The following KHDRBS2 variants were observed in gnomAD, a reference collection of about 807,000 sequenced individuals.
KHDRBS2 encodes the protein KH domain-containing, RNA-binding, signal transduction-associated protein 2.
In KHDRBS2, 26 loss-of-function variants were observed where a neutral mutation model predicts 44.3. That is an observed-to-expected ratio of 0.59 (90% CI 0.43 to 0.81). The LOEUF (loss-of-function observed/expected upper bound fraction) is 0.81. KHDRBS2 is among the 40% of genes least tolerant of loss of function. The pLI is 0.00. For synonymous variants in KHDRBS2, 194 were observed against 151.1 expected (o/e 1.28, Z -2.08); for missense variants, 476 against 433.1 (o/e 1.10, Z -0.88).
At chr6:61,772,374 T>A (rs1361940825) in intron 6 of KHDRBS2, among the ~76,000 whole-genome samples, 1 of 152,018 alleles carries the variant, frequency 6.6e-6, no homozygotes. Flanking sequence ...AATTAATGAA[T>A]CCAGGAGCTG....
At chr6:61,589,882 C>T in the KHDRBS2 span, among the ~76,000 whole-genome samples, 182 of 152,256 alleles carry the variant, frequency 1.2e-3, 1 homozygote, top group African/African-American at 4.2e-3. Flanking sequence ...TAGTCAGTCC[C>T]GTTCACCAAC....
chr6:61,872,899 A>G (rs1798869418), intron 6 of KHDRBS2, among the ~76,000 whole-genome samples: 1 of 152,152 alleles, frequency 6.6e-6, no homozygotes, highest in Admixed American at 6.5e-5. Context: ...AAACTGCTCT[A>G]TATGAGATGG....
Position 62,047,887 on chromosome 6 carries a change from A to G in KHDRBS2, c.327T>C (p.Asp109=). Residue 109 remains aspartate, a synonymous_variant, in exon 3 of 9, where the codon GAT becomes GAC. Transcript: ENST00000281156. The part of the protein sequence containing the change: ...MSILGKGSMR[D]KAKEEELRKS... ...ATTCAAAGTTCAGTACCTTAGCTTT[A>G]TCTCTCATTGATCCTTTGCCCAGGA... 3 of 1,599,764 alleles carry G rather than the reference A, an allele frequency of 1.9e-6. No individual in the cohort carries two copies. Among genetic ancestry groups the G allele is most frequent in the Non-Finnish European group, 2.6e-6 (3 of 1,167,444 alleles).
At chr6:61,822,355 C>T (rs930242069) in intron 6 of KHDRBS2, among the ~76,000 whole-genome samples, 1 of 151,924 alleles carries the variant, frequency 6.6e-6, no homozygotes, top group African/African-American at 2.4e-5. Flanking sequence ...TTTGTATATC[C>T]AGTTAATCAC....
At chr6:62,044,049 T>C (rs1353511887) in intron 3 of KHDRBS2, among the ~76,000 whole-genome samples, 1 of 152,102 alleles carries the variant, frequency 6.6e-6, no homozygotes, top group Non-Finnish European at 1.5e-5. Flanking sequence ...CTTGAAGTAA[T>C]AGTAGATATG....
the KHDRBS2 span, among the ~76,000 whole-genome samples, chr6:61,554,077 T>C: frequency 6.6e-6 from 1 of 152,158 alleles, no homozygotes; most frequent in Non-Finnish European, 1.5e-5. Context: ...GCCTCAATGA[T>C]CGTCTTATAT....
intron 6 of KHDRBS2, among the ~76,000 whole-genome samples, chr6:61,832,267 G>A (rs1436269292): frequency 1.3e-5 from 2 of 151,988 alleles, no homozygotes; most frequent in Non-Finnish European, 2.9e-5. Context: ...AGTATTGAAT[G>A]GTCTAAATTA....
chr6:61,794,798 A>C (rs900517587), intron 6 of KHDRBS2, among the ~76,000 whole-genome samples: 31 of 152,130 alleles, frequency 2.0e-4, no homozygotes, highest in Admixed American at 1.5e-3. Flanking sequence ...AATAATGCTT[A>C]GTCAGTGAAT....
the KHDRBS2 span, among the ~76,000 whole-genome samples, chr6:61,647,148 A>G: frequency 6.6e-6 from 1 of 152,114 alleles, no homozygotes; most frequent in Admixed American, 6.6e-5. Context: ...TATGCAATTG[A>G]TCTTTATCGT....
At chr6:61,674,912 G>A in the KHDRBS2 span, among the ~76,000 whole-genome samples, 6 of 151,618 alleles carry the variant, frequency 4.0e-5, no homozygotes, top group Non-Finnish European at 8.9e-5. Context: ...TTTATTTATT[G>A]TTATGTAATA....
intron 6 of KHDRBS2, among the ~76,000 whole-genome samples, chr6:61,866,622 T>C (rs1484769755): frequency 1.3e-5 from 2 of 152,236 alleles, no homozygotes; most frequent in African/African-American, 2.4e-5. Context: ...GATTTTCTTT[T>C]CTATCACATT....
At chr6:61,656,174 A>G in the KHDRBS2 span, among the ~76,000 whole-genome samples, 6 of 152,212 alleles carry the variant, frequency 3.9e-5, no homozygotes, top group African/African-American at 1.4e-4. Context: ...CTTCTGAGAT[A>G]TAAAAGCTCA....
chr6:61,750,575 T>A (rs1220194983), intron 6 of KHDRBS2, among the ~76,000 whole-genome samples: 1 of 152,186 alleles, frequency 6.6e-6, no homozygotes, highest in Non-Finnish European at 1.5e-5. Flanking sequence ...CAATGGTGCT[T>A]GGCTCACTAC....
chr6:62,065,526 C>T (rs1268987443), intron 2 of KHDRBS2, among the ~76,000 whole-genome samples: 8 of 149,746 alleles, frequency 5.3e-5, no homozygotes, highest in Non-Finnish European at 1.0e-4. Flanking sequence ...AGTAAACTAT[C>T]GCAAGAACAA....
chr6:62,170,271 G>T (rs764255124), intron 2 of KHDRBS2, among the ~76,000 whole-genome samples: 70 of 152,124 alleles, frequency 4.6e-4, no homozygotes, highest in Non-Finnish European at 6.2e-4. Flanking sequence ...GCTGGTGGAG[G>T]ATCAGGGCAT....
At chr6:61,959,978 C>T (rs1274505853) in intron 4 of KHDRBS2, among the ~76,000 whole-genome samples, 5 of 152,098 alleles carry the variant, frequency 3.3e-5, no homozygotes, top group Admixed American at 3.3e-4. Flanking sequence ...AATTAAGAAT[C>T]TTCTGTTTCA....
At chr6:62,283,920 T>C (rs1396702024) in intron 1 of KHDRBS2, among the ~76,000 whole-genome samples, 1 of 152,154 alleles carries the variant, frequency 6.6e-6, no homozygotes, top group Non-Finnish European at 1.5e-5. Flanking sequence ...CTGATTTCTC[T>C]GAAATTTGGG....
rs138692894 is a variant in KHDRBS2, at chr6:61,920,855, T to C, written c.484-19484A>G. ...CTCAAGTGAAGATTTTGTAGAAATA[T>C]AGATGGAAAGAGGGCAAAGTAAAAT... On this transcript the variant is annotated intron_variant, in intron 4 of 8. Transcript: ENST00000281156. 2.6e-5 allele frequency among the ~76,000 whole-genome samples: 4 copies of C among 151,860 alleles called. No homozygotes were observed. The East Asian group carries it at 5.8e-4, about 22-fold the overall frequency.
At chr6:62,205,441 G>T (rs1353834675) in intron 1 of KHDRBS2, among the ~76,000 whole-genome samples, 1 of 152,026 alleles carries the variant, frequency 6.6e-6, no homozygotes, top group Non-Finnish European at 1.5e-5. Flanking sequence ...AAGATTCAAT[G>T]ACAACACAAA....
Sources: allele counts gnomAD v4.1 joint callset (sites outside exome capture counted in the v4.1 genomes callset), GRCh38; gene constraint gnomAD v4.1.1; transcripts MANE v1.5; gene names NCBI Gene and HGNC (gene_info 2026-07-23, HGNC 2026-07-21).